RBKS: variants seen among roughly 807,000 people sequenced by gnomAD.
RBKS encodes the protein ribokinase.
In RBKS, 33 loss-of-function variants were observed where a neutral mutation model predicts 33.9. The observed-to-expected ratio is 0.97, with a 90% CI of 0.74 to 1.30. RBKS has a LOEUF of 1.30. Ranked by LOEUF, RBKS falls within the 50% of genes most tolerant of loss-of-function variation. The pLI is 0.00. For missense variants in RBKS, 361 were observed against 392.6 expected, an observed-to-expected ratio of 0.92 and a Z score of 0.68; for synonymous variants, 125 against 143.0, an observed-to-expected ratio of 0.87 and a Z score of 0.90.
rs374538566 is a variant in RBKS, at chr2:27,843,024, G to A, written c.514+43C>T. ...AAAGGTTAACTTTAATTAAGACAGC[G>A]ATAAAAGCTTTTATAGAAAGAATGA... On this transcript the variant is annotated intron_variant, in intron 5 of 7. Transcript: ENST00000302188. 1,026 of 1,434,166 alleles carry A rather than the reference G, an allele frequency of 7.2e-4. 2 individuals are homozygous for A. The highest frequency in any genetic ancestry group is 9.0e-4 in the Non-Finnish European group (961 of 1,063,158). The allele number at this position is 1,434,166 out of a possible 1,614,324, so 88.8% of individuals were successfully genotyped here.
intron 7 of RBKS, among the ~76,000 whole-genome samples, chr2:27,801,538 T>C (rs1049414098): frequency 2.0e-5 from 3 of 151,686 alleles, no homozygotes; most frequent in African/African-American, 7.3e-5. Context: ...GTTCGACTTA[T>C]AATTTTTCAA....
At chr2:27,782,536 C>T (rs1453463856) in intron 7 of RBKS, 3 of 437,118 alleles carry the variant, frequency 6.9e-6, no homozygotes, top group Non-Finnish European at 1.5e-5. Flanking sequence ...TTTTGTAGCA[C>T]ATACCTTAAT....
chr2:27,880,610 C>T (rs1664400628), intron 1 of RBKS, among the ~76,000 whole-genome samples: 1 of 152,128 alleles, frequency 6.6e-6, no homozygotes, highest in African/African-American at 2.4e-5. Context: ...ACCAGCATTC[C>T]TATACACCAA....
chr2:27,857,547 G>A (rs1225479110), intron 2 of RBKS, among the ~76,000 whole-genome samples: 2 of 152,194 alleles, frequency 1.3e-5, no homozygotes, highest in Non-Finnish European at 2.9e-5. Flanking sequence ...CTAAGATACA[G>A]CATTAGAAGA....
At chr2:27,797,109 T>C (rs1054026492) in intron 7 of RBKS, among the ~76,000 whole-genome samples, 8 of 152,236 alleles carry the variant, frequency 5.3e-5, no homozygotes, top group African/African-American at 1.9e-4. Context: ...TGGTCTGCGA[T>C]AGCTTTTGTT....
At chr2:27,875,782 T>C (rs368446054) in intron 1 of RBKS, among the ~76,000 whole-genome samples, 1 of 152,078 alleles carries the variant, frequency 6.6e-6, no homozygotes, top group East Asian at 1.9e-4. Flanking sequence ...GGGGCTGAGA[T>C]TGAGGGTGGC....
intron 2 of RBKS, among the ~76,000 whole-genome samples, chr2:27,851,513 T>C (rs1250353204): frequency 6.6e-6 from 1 of 152,144 alleles, no homozygotes. Flanking sequence ...CTTGTAGTCA[T>C]GTTCCATTCT....
At chr2:27,820,549 TTCTCTC>T (rs10534268) in intron 7 of RBKS, among the ~76,000 whole-genome samples, 15,030 of 147,902 alleles carry the variant, frequency 0.1, 1,609 homozygotes, top group African/African-American at 0.28. Context: ...AGATTTACTA[TTCTCTC>T]TCTCTCTCTC....
intron 1 of RBKS, among the ~76,000 whole-genome samples, chr2:27,866,872 G>C (rs1664111917): frequency 6.6e-6 from 1 of 152,162 alleles, no homozygotes; most frequent in Admixed American, 6.5e-5. Context: ...AAAAGGCTGA[G>C]GTGGGAGGAT....
intron 7 of RBKS, among the ~76,000 whole-genome samples, chr2:27,824,278 T>G (rs908497675): frequency 6.6e-6 from 1 of 152,188 alleles, no homozygotes; most frequent in Non-Finnish European, 1.5e-5. Flanking sequence ...CTCAGTGCAT[T>G]TAGTATTGTC....
At chr2:27,802,460 G>A (rs977772741) in intron 7 of RBKS, among the ~76,000 whole-genome samples, 4 of 151,894 alleles carry the variant, frequency 2.6e-5, no homozygotes, top group Non-Finnish European at 4.4e-5. Context: ...GTGTGTATGT[G>A]TGTACGTGGT....
intron 7 of RBKS, among the ~76,000 whole-genome samples, chr2:27,801,819 G>C (rs1677791085): frequency 6.6e-6 from 1 of 150,660 alleles, no homozygotes; most frequent in South Asian, 2.1e-4. Context: ...AGGAGCAAAA[G>C]AGAGTGACGG....
At chr2:27,825,987 T>C (rs571922289) in intron 7 of RBKS, among the ~76,000 whole-genome samples, 14 of 152,320 alleles carry the variant, frequency 9.2e-5, no homozygotes, top group African/African-American at 2.9e-4. Flanking sequence ...TAATGGCGGA[T>C]TGATTTCAGA....
chr2:27,883,263 G>A (rs576334741), intron 1 of RBKS, among the ~76,000 whole-genome samples: 2 of 149,600 alleles, frequency 1.3e-5, no homozygotes, highest in Non-Finnish European at 3.0e-5. Context: ...GCAGTGGCAC[G>A]ATCTCAGCTC....
At chr2:27,881,940 G>C (rs1234073806) in intron 1 of RBKS, among the ~76,000 whole-genome samples, 1 of 152,144 alleles carries the variant, frequency 6.6e-6, no homozygotes, top group Non-Finnish European at 1.5e-5. Context: ...AAAGACAAAT[G>C]TAAAACCTAA....
At chr2:27,865,734 T>C (rs1002977127) in intron 1 of RBKS, among the ~76,000 whole-genome samples, 2 of 152,010 alleles carry the variant, frequency 1.3e-5, no homozygotes, top group Admixed American at 1.3e-4. Flanking sequence ...CCTAGTATTT[T>C]AAAAGTGGTT....
intron 7 of RBKS, among the ~76,000 whole-genome samples, chr2:27,816,728 G>C (rs1678103693): frequency 6.6e-6 from 1 of 152,052 alleles, no homozygotes; most frequent in Middle Eastern, 3.2e-3. Flanking sequence ...CTCCCGAGTA[G>C]CTGGGACTAC....
At chr2:27,788,668 C>T (rs1677451652) in intron 7 of RBKS, among the ~76,000 whole-genome samples, 1 of 152,182 alleles carries the variant, frequency 6.6e-6, no homozygotes, top group African/African-American at 2.4e-5. Flanking sequence ...GATCGCATCA[C>T]TGCACTCCAG....
intron 7 of RBKS, among the ~76,000 whole-genome samples, chr2:27,798,879 C>A (rs1488100248): frequency 6.6e-6 from 1 of 152,212 alleles, no homozygotes; most frequent in Non-Finnish European, 1.5e-5. Context: ...TTGGCCATCA[C>A]ATATTTATTG....
Sources: gnomAD v4.1 joint callset for allele counts (sites outside exome capture counted in the v4.1 genomes callset) on GRCh38, gnomAD v4.1.1 for gene constraint, MANE v1.5 for transcripts, NCBI Gene and HGNC (gene_info 2026-07-23, HGNC 2026-07-21) for gene names.